LRP6: variants seen among roughly 807,000 people sequenced by gnomAD.
LRP6 encodes the protein LDL receptor related protein 6.
In LRP6, 43 loss-of-function variants were observed where a neutral mutation model predicts 184.1. That is an observed-to-expected ratio of 0.23 (90% CI 0.18 to 0.30). The LOEUF (loss-of-function observed/expected upper bound fraction) is 0.30. Ranked by LOEUF, LRP6 falls within the 10% of genes least tolerant of loss-of-function variation. The pLI, the probability that LRP6 is intolerant of heterozygous loss-of-function variation, is 1.00. For synonymous variants in LRP6, 719 were observed against 684.9 expected, an observed-to-expected ratio of 1.05 and a Z score of -0.78; for missense variants, 1,571 against 2,005.3, an observed-to-expected ratio of 0.78 and a Z score of 4.14.
intron 7 of LRP6, among the ~76,000 whole-genome samples, chr12:12,171,291 C>T (rs748652893): frequency 3.3e-5 from 5 of 152,054 alleles, no homozygotes; most frequent in Non-Finnish European, 5.9e-5. Context: ...CCAAGGAGGG[C>T]GGATCACCAG....
intron 1 of LRP6, chr12:12,249,291 C>A: frequency 8.9e-7 from 1 of 1,121,328 alleles, no homozygotes. Context: ...GATTGGTGGA[C>A]CCAAGAGCCA....
At chr12:12,207,412 A>AGGAGGCTGAGGCAGG (rs565776678) in intron 2 of LRP6, among the ~76,000 whole-genome samples, 60 of 152,224 alleles carry the variant, frequency 3.9e-4, no homozygotes, top group African/African-American at 1.4e-3. Flanking sequence ...CCAGCTACTC[A>AGGAGGCTGAGGCAGG]GGAGGCTGAG....
At chr12:12,209,774 C>T (rs1047160604) in intron 2 of LRP6, among the ~76,000 whole-genome samples, 2 of 152,082 alleles carry the variant, frequency 1.3e-5, no homozygotes, top group Non-Finnish European at 2.9e-5. Context: ...AAGCACCATG[C>T]CTGATACAGG....
intron 2 of LRP6, among the ~76,000 whole-genome samples, chr12:12,205,246 G>A (rs1214989276): frequency 1.3e-5 from 2 of 149,288 alleles, no homozygotes; most frequent in Non-Finnish European, 3.0e-5. Flanking sequence ...GAATCCAGGA[G>A]GCGGATGTTG....
At chr12:12,172,173 T>A (rs908007160) in intron 7 of LRP6, among the ~76,000 whole-genome samples, 3 of 152,220 alleles carry the variant, frequency 2.0e-5, no homozygotes, top group Non-Finnish European at 4.4e-5. Flanking sequence ...ACTTCTAAAA[T>A]CTAACTCCAA....
At chr12:12,167,648 A>G (rs939657398) in intron 7 of LRP6, among the ~76,000 whole-genome samples, 1 of 152,074 alleles carries the variant, frequency 6.6e-6, no homozygotes, top group African/African-American at 2.4e-5. Context: ...TCTCAAAAAA[A>G]AAAAAAGGGA....
At chr12:12,251,369 A>G (rs1865321358) in intron 1 of LRP6, among the ~76,000 whole-genome samples, 1 of 150,090 alleles carries the variant, frequency 6.7e-6, no homozygotes, top group South Asian at 2.1e-4. Context: ...TGTCTTTTTG[A>G]TTTTTGTTTT....
At chr12:12,257,779 C>CAAAAAAAAAAAAAAAAAAAA (rs1163180718) in intron 1 of LRP6, among the ~76,000 whole-genome samples, 2 of 35,322 alleles carry the variant, frequency 5.7e-5, no homozygotes, top group African/African-American at 1.1e-4. Flanking sequence ...CCTGTCTCTA[C>CAAAAAAAAAAAAAAAAAAAA]AAAAAAAAAA....
At chr12:12,236,227 AAAATAAAT>A (rs145272684) in intron 2 of LRP6, among the ~76,000 whole-genome samples, 42 of 152,080 alleles carry the variant, frequency 2.8e-4, no homozygotes, top group African/African-American at 9.4e-4. Flanking sequence ...ACTCCGTCTC[AAAATAAAT>A]AAATAAATAA....
chr12:12,147,693 C>G (rs930232621), intron 14 of LRP6, 137 bp from the exon 15 acceptor site: 3 of 736,682 alleles, frequency 4.1e-6, no homozygotes, highest in African/African-American at 1.8e-5. Flanking sequence ...ATTTTTTGAC[C>G]AGGCACAGTG....
At position 12,144,376 on chromosome 12, in the gene LRP6, G is replaced by A. The variant is rs185108720; in HGVS notation, c.3397+2990C>T. On this transcript the variant is annotated intron_variant, in intron 15 of 22. Transcript: ENST00000261349. ...ACAGACCTGCCTGCCAGGCATGGTG[G>A]CTCATGCCTGTAATCCCAGAACTTT... Among the ~76,000 whole-genome samples, 157 of 152,318 alleles carry A rather than the reference G, an allele frequency of 1.0e-3. 1 individual carries two copies. The highest frequency in any genetic ancestry group is 1.9e-3 in the Non-Finnish European group (130 of 68,030).
intron 1 of LRP6, among the ~76,000 whole-genome samples, chr12:12,256,222 G>A (rs114146798): frequency 2.1e-3 from 313 of 152,266 alleles, no homozygotes; most frequent in African/African-American, 7.2e-3. Flanking sequence ...ACGAGATACT[G>A]GTAAACTATT....
intron 4 of LRP6, among the ~76,000 whole-genome samples, chr12:12,186,292 A>G (rs1276916217): frequency 6.6e-6 from 1 of 152,250 alleles, no homozygotes; most frequent in Non-Finnish European, 1.5e-5. Context: ...CTCCACCTCT[A>G]AAAGCGCTGA....
rs182888771 is a variant in LRP6 at position 12,150,437 on chromosome 12, T to C, written c.2994+399A>G. On this transcript the variant is annotated intron_variant, in intron 13 of 22. Coordinates refer to ENST00000261349, the MANE Select transcript of LRP6 (RefSeq NM_002336.3). ...CCTGTTACATAACACATAAGAGCTA[T>C]GTGCTTTGCATTCTTTTCAGCTAAA... is the stretch of plus-strand genomic sequence containing the variant. Among the ~76,000 whole-genome samples the C allele has an allele frequency of 2.1e-3, 324 of 152,324 alleles. 2 individuals carry two copies. Among genetic ancestry groups the C allele is most frequent in the African/African-American group, 7.0e-3 (293 of 41,570 alleles).
chr12:12,131,276 T>G lies in LRP6; in HGVS notation c.3971-383A>C, dbSNP rs1284455488. On this transcript the variant is annotated intron_variant, in intron 18 of 22. Transcript: ENST00000261349. ...GCGTCTGCCACCAGGCCCGGCTAAT[T>G]TTTTTGTATTTTTAGTAGAGATGGG... 2.0e-5 allele frequency among the ~76,000 whole-genome samples: 3 copies of G among 151,848 alleles called. No homozygotes were observed. The East Asian group carries it at 5.8e-4, about 29-fold the overall frequency.
At chr12:12,188,065 A>G (rs1442292194) in intron 3 of LRP6, among the ~76,000 whole-genome samples, 5 of 152,054 alleles carry the variant, frequency 3.3e-5, no homozygotes, top group African/African-American at 1.2e-4. Context: ...CAAAAAAATT[A>G]GCCAGGCGTG....
intron 10 of LRP6, among the ~76,000 whole-genome samples, chr12:12,160,950 A>C (rs1050572259): frequency 6.6e-6 from 1 of 152,250 alleles, no homozygotes; most frequent in African/African-American, 2.4e-5. Context: ...ACTTGGTAGC[A>C]ATGTATGAAC....
chr12:12,184,527 C>T (rs1187187126), intron 4 of LRP6, among the ~76,000 whole-genome samples: 1 of 152,042 alleles, frequency 6.6e-6, no homozygotes, highest in East Asian at 1.9e-4. Flanking sequence ...GTATACAGCA[C>T]GGGAGCCTTC....
At chr12:12,173,664 C>T (rs1232928958) in intron 7 of LRP6, among the ~76,000 whole-genome samples, 2 of 151,786 alleles carry the variant, frequency 1.3e-5, no homozygotes, top group Non-Finnish European at 2.9e-5. Flanking sequence ...TCTGTAGAGC[C>T]GGGGATCTCA....
Sources: allele counts gnomAD v4.1 joint callset (sites outside exome capture counted in the v4.1 genomes callset), GRCh38; gene constraint gnomAD v4.1.1; transcripts MANE v1.5; gene names NCBI Gene and HGNC (gene_info 2026-07-23, HGNC 2026-07-21).